DCBLD2: variants seen among roughly 807,000 people sequenced by gnomAD.
DCBLD2 encodes the protein discoidin, CUB and LCCL domain containing 2.
Under a neutral mutation model 86.8 loss-of-function variants are expected in DCBLD2, and 54 were observed. That is an observed-to-expected ratio of 0.62 (90% confidence interval 0.50 to 0.78). The LOEUF (loss-of-function observed/expected upper bound fraction) is 0.78. Ranked by LOEUF, DCBLD2 falls within the 30% of genes least tolerant of loss-of-function variation. The pLI is 0.00. For synonymous variants in DCBLD2, 354 were observed against 341.3 expected, an observed-to-expected ratio of 1.04 and a Z score of -0.41; for missense variants, 908 against 954.2, an observed-to-expected ratio of 0.95 and a Z score of 0.64.
intron 1 of DCBLD2, among the ~76,000 whole-genome samples, chr3:98,899,327 C>A (rs563746732): frequency 1.6e-4 from 23 of 145,274 alleles, no homozygotes; most frequent in Non-Finnish European, 2.2e-4. Flanking sequence ...GGCGCGATCG[C>A]TGCAACCTCC....
chr3:98,835,487 T>G (rs1478599392), intron 3 of DCBLD2, among the ~76,000 whole-genome samples: 1 of 144,534 alleles, frequency 6.9e-6, no homozygotes, highest in East Asian at 2.0e-4. Flanking sequence ...AAACATCTAT[T>G]GAGCACCAAA....
chr3:98,843,112 TGCAAAATTGGTAACACTTTGTTCGTCA>T (rs879628115), intron 3 of DCBLD2, among the ~76,000 whole-genome samples: 27 of 152,340 alleles, frequency 1.8e-4, no homozygotes, highest in Middle Eastern at 3.4e-3. Flanking sequence ...TCTCTTTCTC[TGCAAAATTGGTAACACTTTGTTCGTCA>T]GCACCTTTGT....
rs867708188 is a variant in DCBLD2, at chr3:98,901,692, G to A, written c.-366C>T. ...GCGGCTCCGGCTAGCTGGCAGGCAG[G>A]CCCGCAGCCAGCTCCCTCGCGCTCC... On this transcript the variant is annotated 5_prime_UTR_variant, in exon 1 of 16. Transcript: ENST00000326840. The A allele has an allele frequency of 3.2e-4, 55 of 172,186 alleles. No homozygotes were observed. The highest frequency in any genetic ancestry group is 2.1e-3 in the Middle Eastern group (1 of 468). 10.7% of individuals were successfully genotyped at this position (172,186 alleles called of 1,614,324 possible).
chr3:98,833,218 T>C (rs571575446), intron 3 of DCBLD2, among the ~76,000 whole-genome samples: 6 of 152,364 alleles, frequency 3.9e-5, no homozygotes, highest in East Asian at 3.9e-4. Context: ...GCGTGGTCTA[T>C]TCTGCTGTTA....
At chr3:98,856,981 A>C (rs755502191) in intron 2 of DCBLD2, among the ~76,000 whole-genome samples, 3 of 152,210 alleles carry the variant, frequency 2.0e-5, no homozygotes, top group Non-Finnish European at 2.9e-5. Flanking sequence ...TCTTGGTCTC[A>C]CTGACTTCAA....
chr3:98,888,130 T>C (rs1295833029), intron 1 of DCBLD2, among the ~76,000 whole-genome samples: 2 of 152,008 alleles, frequency 1.3e-5, no homozygotes, highest in African/African-American at 4.8e-5. Context: ...TGTATTTAAA[T>C]TTCCTCCATG....
At position 98,861,553 on chromosome 3, in the gene DCBLD2, G is replaced by C. The variant is rs59898448; in HGVS notation, c.434-11955C>G. 4.5e-4 allele frequency among the ~76,000 whole-genome samples: 69 copies of C among 152,268 alleles called. No individual in the cohort carries two copies. The East Asian group carries it at 0.012, about 27-fold the overall frequency. On this transcript the variant is annotated intron_variant, in intron 2 of 15. Coordinates refer to ENST00000326840, the MANE Select transcript of DCBLD2 (RefSeq NM_080927.4). ...CTCAGACCACAGTGCAATCAAACTAGAACTCAGGATTAAGAAACTCACTCA... is the reference window on the plus strand; with the variant it reads ...CTCAGACCACAGTGCAATCAAACTACAACTCAGGATTAAGAAACTCACTCA...
At chr3:98,849,921 C>T (rs543497259) in intron 2 of DCBLD2, among the ~76,000 whole-genome samples, 111 of 152,228 alleles carry the variant, frequency 7.3e-4, no homozygotes, top group African/African-American at 2.5e-3. Flanking sequence ...TTCATCCAGG[C>T]AGGTGGCTCA....
chr3:98,816,369 T>C (rs1299158375), intron 9 of DCBLD2: 1 of 152,196 alleles, frequency 6.6e-6, no homozygotes, highest in Non-Finnish European at 1.5e-5. Context: ...GAAGTTTTTA[T>C]AGTATAAGCC....
chr3:98,839,180 C>CTTTCT (rs1446480092), intron 3 of DCBLD2, among the ~76,000 whole-genome samples: 1 of 28,192 alleles, frequency 3.5e-5, no homozygotes, highest in African/African-American at 2.2e-4. Context: ...TCCTTTCTTT[C>CTTTCT]TTCCTTCCTT....
At chr3:98,889,938 C>A (rs927028966) in intron 1 of DCBLD2, among the ~76,000 whole-genome samples, 1 of 151,992 alleles carries the variant, frequency 6.6e-6, no homozygotes, top group Non-Finnish European at 1.5e-5. Context: ...CACAAAACCT[C>A]CTTCTACATG....
At chr3:98,873,894 C>T (rs911864570) in intron 2 of DCBLD2, among the ~76,000 whole-genome samples, 1 of 151,976 alleles carries the variant, frequency 6.6e-6, no homozygotes, top group African/African-American at 2.4e-5. Context: ...TAAGAAATGA[C>T]AGGAGGTAAA....
chr3:98,824,567 G>A (rs1942184094), intron 4 of DCBLD2, among the ~76,000 whole-genome samples: 1 of 152,042 alleles, frequency 6.6e-6, no homozygotes. Context: ...TTAGTAAGAT[G>A]GCTCTTGAAA....
In DCBLD2 at chr3:98,797,193, T is replaced by G. The variant is rs1941621722; in HGVS notation, c.*2179A>C. The G allele has an allele frequency of 6.6e-6, 1 of 151,486 alleles. No homozygotes were observed. Among genetic ancestry groups the G allele is most frequent in the Admixed American group, 6.6e-5 (1 of 15,198 alleles). 9.4% of individuals were successfully genotyped at this position (151,486 alleles called of 1,614,324 possible). ...TAAAAACTAGATATTTTATAAAAAT[T>G]ATTGGTAGTTCAAGGATAGCACAGT... On this transcript the variant is annotated 3_prime_UTR_variant, in exon 16 of 16. Coordinates refer to ENST00000326840, the MANE Select transcript of DCBLD2 (RefSeq NM_080927.4).
At position 98,870,735 on chromosome 3, in the gene DCBLD2, GAAAAAGAAAGAAAGAAAGA is replaced by G. The variant is rs1280279780; in HGVS notation, c.433+10786_433+10804del. 1.3e-4 allele frequency among the ~76,000 whole-genome samples: 8 copies of G among 60,210 alleles called. No homozygotes were observed. In the South Asian group the frequency reaches 4.1e-3, roughly 31 times the overall value. The allele number at this position is 60,210 out of a possible 152,430, so 39.5% of individuals were successfully genotyped here. A position where few individuals can be genotyped will look rare whatever the true frequency, so the allele number is the denominator to read the frequency against. ...GAAAGAAAAAGGAAAAGAAAAGAAA[GAAAAAGAAAGAAAGAAAGA>G]AAGAAAGAAAGAAAGAAAGAAAGAA... On this transcript the variant is annotated intron_variant, in intron 2 of 15. Coordinates refer to ENST00000326840, the MANE Select transcript of DCBLD2 (RefSeq NM_080927.4).
intron 1 of DCBLD2, among the ~76,000 whole-genome samples, chr3:98,899,477 C>T (rs958250113): frequency 1.3e-5 from 2 of 152,112 alleles, no homozygotes; most frequent in Non-Finnish European, 2.9e-5. Context: ...GTCTCGATCT[C>T]CTGACCTCGT....
intron 2 of DCBLD2, among the ~76,000 whole-genome samples, chr3:98,877,304 T>A (rs1341946010): frequency 6.6e-6 from 1 of 152,172 alleles, no homozygotes; most frequent in East Asian, 1.9e-4. Context: ...CCTAAAGAAT[T>A]TTTTAATGTA....
intron 1 of DCBLD2, chr3:98,900,721 C>T (rs1943831862): frequency 4.6e-6 from 1 of 215,248 alleles, no homozygotes; most frequent in South Asian, 6.5e-5. Context: ...CCACCACTTA[C>T]CTTTAATAGG....
At chr3:98,827,281 T>A (rs928009983) in intron 3 of DCBLD2, among the ~76,000 whole-genome samples, 4 of 152,162 alleles carry the variant, frequency 2.6e-5, no homozygotes, top group African/African-American at 9.7e-5. Context: ...TCAACAAGAA[T>A]CAATTTTCCA....
Sources: gnomAD v4.1 joint callset for allele counts (sites outside exome capture counted in the v4.1 genomes callset) on GRCh38, gnomAD v4.1.1 for gene constraint, MANE v1.5 for transcripts, NCBI Gene and HGNC (gene_info 2026-07-23, HGNC 2026-07-21) for gene names.